Variants in CFAP44 observed in about 807,000 individuals in gnomAD.
CFAP44 encodes the protein cilia- and flagella-associated protein 44.
Under a neutral mutation model 216.2 loss-of-function variants are expected in CFAP44, and 134 were observed. The ratio of observed to expected loss-of-function variants is 0.62; its 90% CI spans 0.54 to 0.72. The LOEUF is 0.72. CFAP44 is among the 30% of genes least tolerant of loss of function. The pLI is 0.00. For synonymous variants in CFAP44, 700 were observed against 727.6 expected (o/e 0.96, Z 0.61); for missense variants, 2,035 against 2,182.1 (o/e 0.93, Z 1.34).
intron 28 of CFAP44, among the ~76,000 whole-genome samples, chr3:113,321,039 T>A (rs1054513414): frequency 6.6e-6 from 1 of 152,168 alleles, no homozygotes; most frequent in Admixed American, 6.5e-5. Context: ...ATCAGCCTAA[T>A]ATCAAAATTT....
At chr3:113,301,578 G>A (rs1261543545) in intron 32 of CFAP44, among the ~76,000 whole-genome samples, 1 of 152,060 alleles carries the variant, frequency 6.6e-6, no homozygotes, top group African/African-American at 2.4e-5. Context: ...TCAATTTTAA[G>A]TGGGTTAAAA....
intron 32 of CFAP44, among the ~76,000 whole-genome samples, chr3:113,302,487 C>CAG: frequency 8.2e-6 from 1 of 122,532 alleles, no homozygotes. Context: ...AAAAGATAGC[C>CAG]AGGCACTGTG....
At chr3:113,312,367 G>C (rs1229918213) in intron 28 of CFAP44, among the ~76,000 whole-genome samples, 3 of 151,542 alleles carry the variant, frequency 2.0e-5, no homozygotes, top group Non-Finnish European at 2.9e-5. Flanking sequence ...ACAGGTATGA[G>C]CCACCCCGCC....
chr3:113,413,774 AG>A (rs1333160159), intron 6 of CFAP44, among the ~76,000 whole-genome samples: 1 of 152,156 alleles, frequency 6.6e-6, no homozygotes, highest in African/African-American at 2.4e-5. Flanking sequence ...CTTGTAGTAT[AG>A]TTTGAAGTCA....
intron 19 of CFAP44, 113 bp from the exon 20 acceptor site, chr3:113,363,645 C>A: frequency 3.2e-6 from 3 of 932,434 alleles, no homozygotes; most frequent in East Asian, 2.9e-5. Flanking sequence ...CTTTTTCTGC[C>A]AATTTCTAAT....
In CFAP44 at chr3:113,401,719, T is replaced by C. The variant is rs373659043; in HGVS notation, c.1191A>G (p.Ile397Met). ...TCTCATCTATTACATCAGCAGTGTCTATTGTCTCAAAATCCCATATCTTGT... is the reference window on the plus strand; with the variant it reads ...TCTCATCTATTACATCAGCAGTGTCCATTGTCTCAAAATCCCATATCTTGT... ...GYVRIWDFET[I>M]DTADVIDETG... Residue 397 changes from isoleucine (I) to methionine (M), a missense_variant, in exon 10 of 35, where the codon ATA (isoleucine) becomes ATG (methionine). Ile to Met is a conservative substitution (Grantham distance 10). Around this residue, in one of 3 missense-constraint regions of CFAP44, gnomAD observed 1,883 missense variants for 2,023.7 expected, o/e 0.93. Transcript: ENST00000393845. The C allele has an allele frequency of 1.5e-5, 24 of 1,610,700 alleles. No homozygotes were observed. The highest frequency in any genetic ancestry group is 3.3e-5 in the South Asian group (3 of 90,494).
chr3:113,313,662 C>T (rs1292347026), intron 28 of CFAP44, among the ~76,000 whole-genome samples: 4 of 152,006 alleles, frequency 2.6e-5, no homozygotes, highest in African/African-American at 4.8e-5. Flanking sequence ...ATCATGGGGG[C>T]GGTTTCCCCC....
intron 19 of CFAP44, 121 bp from the exon 20 acceptor site, chr3:113,363,653 A>C: frequency 2.3e-6 from 2 of 862,886 alleles, no homozygotes; most frequent in Non-Finnish European, 3.3e-6. Context: ...GCCAATTTCT[A>C]ATAATTATAG....
intron 22 of CFAP44, among the ~76,000 whole-genome samples, chr3:113,355,822 C>T (rs538221572): frequency 4.0e-5 from 6 of 150,978 alleles, no homozygotes; most frequent in African/African-American, 1.5e-4. Context: ...TATCTAGCAC[C>T]TACAATGTAA....
chr3:113,326,630 T>C lies in CFAP44; in HGVS notation c.4331A>G (p.Asn1444Ser), dbSNP rs1402030288. The C allele has an allele frequency of 1.3e-5, 20 of 1,490,940 alleles. No individual in the cohort carries two copies. Among genetic ancestry groups the C allele is most frequent in the Non-Finnish European group, 1.8e-5 (20 of 1,130,576 alleles). 92.4% of individuals were successfully genotyped at this position (1,490,940 alleles called of 1,614,324 possible). Residue 1444 changes from asparagine to serine, a missense_variant, in exon 28 of 35, where the codon AAT becomes AGT. Coordinates refer to ENST00000393845, the MANE Select transcript of CFAP44 (RefSeq NM_001164496.2). The stretch of plus-strand genomic sequence containing the variant: ...CTCTTCCATCTCTTTAAGAGTTTCA[T>C]TTATTTTCCACTAAATGAATAAAAA... ...KEEQYMQWKI[N>S]ETLKEMEEKK...
At chr3:113,408,367 G>A (rs1559939070) in intron 7 of CFAP44, among the ~76,000 whole-genome samples, 2 of 152,144 alleles carry the variant, frequency 1.3e-5, no homozygotes, top group Admixed American at 6.5e-5. Flanking sequence ...CCACTGTTTC[G>A]TATTGAGTGT....
At chr3:113,409,927 T>C (rs1279532319) in intron 6 of CFAP44, among the ~76,000 whole-genome samples, 3 of 152,174 alleles carry the variant, frequency 2.0e-5, no homozygotes, top group Admixed American at 6.5e-5. Context: ...ATAAATACCA[T>C]GGCCACATCA....
At chr3:113,395,486 C>A (rs1933964005) in intron 15 of CFAP44, among the ~76,000 whole-genome samples, 2 of 152,102 alleles carry the variant, frequency 1.3e-5, no homozygotes, top group Non-Finnish European at 1.5e-5. Context: ...CCTGATATAA[C>A]CCTGGTTTTT....
intron 9 of CFAP44, 100 bp downstream of exon 9, chr3:113,403,752 G>T: frequency 1.5e-6 from 2 of 1,337,926 alleles, no homozygotes; most frequent in Non-Finnish European, 2.0e-6. Context: ...AATGACTACT[G>T]ATCTCCTTCA....
At position 113,328,952 on chromosome 3, in the gene CFAP44, T is replaced by C. The variant is rs1045558413; in HGVS notation, c.4117-1133A>G. Among the ~76,000 whole-genome samples the C allele has an allele frequency of 2.6e-5, 4 of 152,152 alleles. No individual in the cohort carries two copies. The South Asian group carries it at 6.2e-4, about 24-fold the overall frequency. Reference sequence around the variant, plus strand: ...AGAACATGTCTTTCTTAAGAATTGTTGTATCCCTAATCCTATCTATCAGTG... The same window carrying C: ...AGAACATGTCTTTCTTAAGAATTGTCGTATCCCTAATCCTATCTATCAGTG... On this transcript the variant is annotated intron_variant, in intron 26 of 34. Coordinates refer to ENST00000393845, the MANE Select transcript of CFAP44 (RefSeq NM_001164496.2).
At chr3:113,363,355 C>A in intron 20 of CFAP44, 48 bp from the exon 21 acceptor site, 1 of 1,574,444 alleles carries the variant, frequency 6.4e-7, no homozygotes, top group Non-Finnish European at 8.6e-7. Context: ...ACAGAAACAG[C>A]AGAGAAAGAG....
intron 28 of CFAP44, among the ~76,000 whole-genome samples, chr3:113,313,103 G>A (rs114260508): frequency 0.011 from 1,686 of 152,168 alleles, 50 homozygotes; most frequent in African/African-American, 0.037. Context: ...AGCCGCAGAC[G>A]CTCAATGCCA....
chr3:113,369,894 G>A (rs1933092731), intron 18 of CFAP44, among the ~76,000 whole-genome samples: 1 of 152,006 alleles, frequency 6.6e-6, no homozygotes, highest in South Asian at 2.1e-4. Context: ...ATGATATAGG[G>A]GATATCACCA....
chr3:113,307,697 C>T (rs1007432956), intron 29 of CFAP44, among the ~76,000 whole-genome samples: 5 of 152,168 alleles, frequency 3.3e-5, no homozygotes, highest in South Asian at 2.1e-4. Flanking sequence ...TAGCTAGGCA[C>T]GATGGCTCAC....
Sources: gnomAD v4.1 joint callset for allele counts (sites outside exome capture counted in the v4.1 genomes callset) on GRCh38, gnomAD v4.1.1 for gene constraint, gnomAD v4.1.1 regional missense constraint, MANE v1.5 for transcripts, NCBI Gene and HGNC (gene_info 2026-07-23, HGNC 2026-07-21) for gene names.